The following FAM76A variants were observed in gnomAD, a reference collection of about 807,000 sequenced individuals.
FAM76A encodes the protein protein FAM76A.
A neutral mutation model predicts 46.2 loss-of-function variants in FAM76A; 32 were observed. The ratio of observed to expected loss-of-function variants is 0.69; its 90% confidence interval spans 0.52 to 0.93. The LOEUF (loss-of-function observed/expected upper bound fraction) is 0.93. Among genes scored for constraint, FAM76A ranks in the 40% least tolerant of loss-of-function variants. The probability of loss-of-function intolerance (pLI) is 0.00; values close to 1 mark genes in which losing one functional copy is unlikely to be tolerated. For synonymous variants in FAM76A, 137 were observed against 127.0 expected, an observed-to-expected ratio of 1.08 and a Z score of -0.53; for missense variants, 274 against 361.5, an observed-to-expected ratio of 0.76 and a Z score of 1.96.
At chr1:27,744,519 CCT>C (rs763187855) in intron 4 of FAM76A, 133 bp from the exon 5 acceptor site, 7 of 827,214 alleles carry the variant, frequency 8.5e-6, no homozygotes, top group Non-Finnish European at 1.4e-5. Flanking sequence ...GTAGCAGCCC[CCT>C]GTGACATGCC....
intron 4 of FAM76A, among the ~76,000 whole-genome samples, chr1:27,738,177 T>C (rs1407549198): frequency 2.6e-5 from 4 of 151,832 alleles, no homozygotes; most frequent in Non-Finnish European, 5.9e-5. Context: ...CTGAGTAACA[T>C]AGTGAGACTT....
intron 7 of FAM76A, among the ~76,000 whole-genome samples, chr1:27,758,348 T>C (rs1246976859): frequency 1.3e-5 from 2 of 152,178 alleles, no homozygotes; most frequent in Non-Finnish European, 2.9e-5. Flanking sequence ...AGATCTGTGT[T>C]CTATCCACAT....
intron 6 of FAM76A, among the ~76,000 whole-genome samples, chr1:27,754,347 C>T (rs2088377580): frequency 6.6e-6 from 1 of 152,102 alleles, no homozygotes; most frequent in Non-Finnish European, 1.5e-5. Flanking sequence ...CTCAGGTGAT[C>T]CGCCTGCCTT....
Position 27,727,407 on chromosome 1 carries a change from C to G in FAM76A, c.82-65C>G, listed in dbSNP as rs1425767123. 4 of 1,385,626 alleles carry G rather than the reference C, an allele frequency of 2.9e-6. No individual in the cohort carries two copies. In the African/African-American group the frequency reaches 5.7e-5, roughly 20 times the overall value. The allele number at this position is 1,385,626 out of a possible 1,614,324, so 85.8% of individuals were successfully genotyped here. The stretch of plus-strand genomic sequence containing the variant: ...ATGCTAGAAATAGTACCCAGGTCGG[C>G]TTCCTACTGAAGGCTGTTTCCATTT... On this transcript the variant is annotated intron_variant, in intron 1 of 8. Coordinates refer to ENST00000373954, the MANE Select transcript of FAM76A (RefSeq NM_152660.3).
intron 4 of FAM76A, among the ~76,000 whole-genome samples, chr1:27,738,287 C>T (rs1571476706): frequency 6.6e-6 from 1 of 151,740 alleles, no homozygotes; most frequent in Non-Finnish European, 1.5e-5. Context: ...GTCAGGAGTT[C>T]GAGATCAGCC....
intron 6 of FAM76A, among the ~76,000 whole-genome samples, chr1:27,752,277 C>T (rs1458892046): frequency 1.3e-5 from 2 of 152,026 alleles, no homozygotes; most frequent in Non-Finnish European, 2.9e-5. Context: ...TTAGACAGAA[C>T]ACATTTTAGC....
At chr1:27,749,201 C>A in intron 6 of FAM76A, 47 bp downstream of exon 6, 1 of 1,300,272 alleles carries the variant, frequency 7.7e-7, no homozygotes, top group Non-Finnish European at 1.1e-6. Flanking sequence ...AATGCATACA[C>A]AGTTCCTGAA....
chr1:27,732,532 TC>T, intron 2 of FAM76A, 70 bp from the exon 3 acceptor site: 2 of 1,408,286 alleles, frequency 1.4e-6, no homozygotes, highest in Middle Eastern at 3.7e-4. Flanking sequence ...ATGAGCAAAT[TC>T]CTTGGGCTTA....
At chr1:27,738,702 G>A (rs916675048) in intron 4 of FAM76A, among the ~76,000 whole-genome samples, 1 of 152,174 alleles carries the variant, frequency 6.6e-6, no homozygotes, top group African/African-American at 2.4e-5. Flanking sequence ...ACATTTATGT[G>A]TGTGAAAGAG....
At chr1:27,753,720 T>C (rs572231976) in intron 6 of FAM76A, among the ~76,000 whole-genome samples, 19 of 152,364 alleles carry the variant, frequency 1.2e-4, no homozygotes, top group Admixed American at 1.3e-4. Flanking sequence ...GTTTGTCCAC[T>C]GGTTAGGCTT....
At chr1:27,732,042 G>A (rs1245439681) in intron 2 of FAM76A, among the ~76,000 whole-genome samples, 3 of 151,718 alleles carry the variant, frequency 2.0e-5, no homozygotes, top group East Asian at 2.0e-4. Context: ...GGCTGGTCTC[G>A]GACTCCTGAC....
At chr1:27,759,667 C>A in intron 8 of FAM76A, 40 bp downstream of exon 8, 1 of 1,366,258 alleles carries the variant, frequency 7.3e-7, no homozygotes, top group Non-Finnish European at 1.0e-6. Context: ...AAATTGTGTA[C>A]CTACCTGGTA....
chr1:27,728,130 T>A (rs1475112420), intron 2 of FAM76A, among the ~76,000 whole-genome samples: 1 of 151,562 alleles, frequency 6.6e-6, no homozygotes, highest in Non-Finnish European at 1.5e-5. Flanking sequence ...AAGTTCTTTT[T>A]AAGACCCTTG....
At position 27,761,890 on chromosome 1, in the gene FAM76A, G is replaced by C. The variant is rs780728841; in HGVS notation, c.*1309G>C. The stretch of plus-strand genomic sequence containing the variant: ...GAGGCAGGAGAACTGCTCGAATCCC[G>C]GGAGGCAGAGGTTGCAATGAGCTGA... On this transcript the variant is annotated 3_prime_UTR_variant, in exon 9 of 9. Transcript: ENST00000373954. The C allele has an allele frequency of 6.6e-6, 1 of 151,496 alleles. No homozygotes were observed. Among genetic ancestry groups the C allele is most frequent in the South Asian group, 2.1e-4 (1 of 4,796 alleles). The allele number at this position is 151,496 out of a possible 1,614,324, so 9.4% of individuals were successfully genotyped here.
intron 4 of FAM76A, chr1:27,739,401 C>T: frequency 3.9e-6 from 2 of 518,852 alleles, no homozygotes. Flanking sequence ...TTAGTGTCTT[C>T]AGGCCAACCT....
chr1:27,748,919 C>A (rs972030468), intron 5 of FAM76A, 149 bp from the exon 6 acceptor site: 9 of 548,924 alleles, frequency 1.6e-5, no homozygotes, highest in African/African-American at 9.8e-5. Context: ...AAAATCATCA[C>A]CTTGGTAGAT....
At chr1:27,733,992 G>A in intron 3 of FAM76A, 39 bp from the exon 4 acceptor site, 2 of 1,576,432 alleles carry the variant, frequency 1.3e-6, no homozygotes, top group Non-Finnish European at 1.7e-6. Context: ...GGTATTTTAT[G>A]AAAGTAATAC....
intron 2 of FAM76A, among the ~76,000 whole-genome samples, chr1:27,728,446 G>C (rs529805406): frequency 6.6e-6 from 1 of 151,598 alleles, no homozygotes; most frequent in Non-Finnish European, 1.5e-5. Flanking sequence ...TGGACCTCCC[G>C]GGCCCAAGTG....
chr1:27,741,278 A>C (rs1006266610), intron 4 of FAM76A, among the ~76,000 whole-genome samples: 2 of 147,210 alleles, frequency 1.4e-5, no homozygotes, highest in African/African-American at 5.1e-5. Flanking sequence ...GACTCACTAC[A>C]GCCGCAGCCT....
Sources: allele counts gnomAD v4.1 joint callset (sites outside exome capture counted in the v4.1 genomes callset), GRCh38; gene constraint gnomAD v4.1.1; transcripts MANE v1.5; gene names NCBI Gene and HGNC (gene_info 2026-07-23, HGNC 2026-07-21).